L3MBTL4: variants seen among roughly 807,000 people sequenced by gnomAD.
The protein encoded by L3MBTL4 is L3MBTL histone methyl-lysine binding protein 4.
A neutral mutation model predicts 84.5 loss-of-function variants in L3MBTL4; 70 were observed. The ratio of observed to expected loss-of-function variants is 0.83; its 90% CI spans 0.68 to 1.01. The LOEUF is 1.01. L3MBTL4 is among the 50% of genes least tolerant of loss of function. The probability of loss-of-function intolerance (pLI) is 0.00; values close to 1 mark genes in which losing one functional copy is unlikely to be tolerated. For missense variants in L3MBTL4, 715 were observed against 754.8 expected, an observed-to-expected ratio of 0.95 and a Z score of 0.62; for synonymous variants, 274 against 259.8, an observed-to-expected ratio of 1.05 and a Z score of -0.52.
chr18:6,043,335 C>T (rs1295736573), intron 16 of L3MBTL4, among the ~76,000 whole-genome samples: 1 of 152,108 alleles, frequency 6.6e-6, no homozygotes, highest in African/African-American at 2.4e-5. Context: ...TTGAGACTTG[C>T]TTTCCTCAGA....
intron 16 of L3MBTL4, among the ~76,000 whole-genome samples, chr18:5,997,014 T>C (rs75345806): frequency 0.016 from 2,330 of 142,460 alleles, 236 homozygotes; most frequent in African/African-American, 0.069. Context: ...TCAGTATCCA[T>C]GTCATGGATT....
intron 16 of L3MBTL4, among the ~76,000 whole-genome samples, chr18:6,073,197 G>C (rs867745583): frequency 2.7e-5 from 4 of 146,950 alleles, no homozygotes; most frequent in Non-Finnish European, 4.5e-5. Context: ...GAGGGGGAGA[G>C]AAAACGCACA....
At chr18:6,158,638 T>TTCC (rs977641791) in intron 13 of L3MBTL4, among the ~76,000 whole-genome samples, 2 of 152,140 alleles carry the variant, frequency 1.3e-5, no homozygotes, top group African/African-American at 4.8e-5. Flanking sequence ...TATTTATAAA[T>TTCC]AGGAGGTCTT....
chr18:5,985,971 G>A (rs553583880), intron 16 of L3MBTL4, among the ~76,000 whole-genome samples: 193 of 152,296 alleles, frequency 1.3e-3, no homozygotes, highest in African/African-American at 4.4e-3. Context: ...CTGGGCAGGT[G>A]TGTCTAGGAC....
In L3MBTL4 at chr18:6,071,761, A is replaced by AAAAGAAAGAAAGAAAGAAAG. The variant is rs201841975; in HGVS notation, c.1444+9100_1444+9119dup. Among the ~76,000 whole-genome samples, 458 of 92,172 alleles carry AAAAGAAAGAAAGAAAGAAAG rather than the reference A, an allele frequency of 5.0e-3. 1 individual carries two copies. Among genetic ancestry groups the AAAAGAAAGAAAGAAAGAAAG allele is most frequent in the Non-Finnish European group, 7.5e-3 (348 of 46,496 alleles). The allele number at this position is 92,172 out of a possible 152,430, so 60.5% of individuals were successfully genotyped here. A position where few individuals can be genotyped will look rare whatever the true frequency, so the allele number is the denominator to read the frequency against. On this transcript the variant is annotated intron_variant, in intron 16 of 18. Transcript: ENST00000317931. ...AGAAGGAAGGAAAGAAAGAAAGAAAAAAAGAAAGAAAGAAAGAAAGAAAGA... is the reference window on the plus strand; with the variant it reads ...AGAAGGAAGGAAAGAAAGAAAGAAAAAAAGAAAGAAAGAAAGAAAGAAAGAAAGAAAGAAAGAAAGAAAGA...
At chr18:6,225,509 C>T (rs1456529385) in intron 10 of L3MBTL4, among the ~76,000 whole-genome samples, 1 of 152,168 alleles carries the variant, frequency 6.6e-6, no homozygotes, top group Non-Finnish European at 1.5e-5. Context: ...CCTATAATCC[C>T]AGCACTTTGG....
intron 12 of L3MBTL4, among the ~76,000 whole-genome samples, chr18:6,183,394 G>A (rs2044570671): frequency 6.6e-6 from 1 of 152,182 alleles, no homozygotes; most frequent in South Asian, 2.1e-4. Context: ...GACCACCGTG[G>A]CCGACGCTGC....
At chr18:6,102,342 G>A (rs1170793688) in intron 14 of L3MBTL4, among the ~76,000 whole-genome samples, 1 of 152,198 alleles carries the variant, frequency 6.6e-6, no homozygotes, top group Non-Finnish European at 1.5e-5. Flanking sequence ...TGCAGAACTT[G>A]TTCTCAGTCT....
At chr18:5,979,095 C>A (rs79403706) in intron 16 of L3MBTL4, among the ~76,000 whole-genome samples, 1 of 152,076 alleles carries the variant, frequency 6.6e-6, no homozygotes, top group African/African-American at 2.4e-5. Context: ...TGGGAAGGGG[C>A]AAAAGAGTGG....
chr18:6,178,097 T>C (rs748074402), intron 12 of L3MBTL4, among the ~76,000 whole-genome samples: 14 of 151,460 alleles, frequency 9.2e-5, no homozygotes, highest in Non-Finnish European at 1.9e-4. Context: ...ACTGAAGAAG[T>C]GAAAAAAAAA....
In L3MBTL4 at chr18:5,961,702, C is replaced by T. The variant is rs758899901; in HGVS notation, c.1615-1546G>A. The stretch of plus-strand genomic sequence containing the variant: ...CTGCTGGCCCGGGCTCTTAGTATTA[C>T]GAGCTAATTCACCTGAGAACCTGAC... On this transcript the variant is annotated intron_variant, in intron 17 of 18. Transcript: ENST00000317931. Among the ~76,000 whole-genome samples the T allele has an allele frequency of 7.9e-5, 12 of 152,160 alleles. 1 individual carries two copies. Among genetic ancestry groups the T allele is most frequent in the Admixed American group, 1.3e-4 (2 of 15,280 alleles).
chr18:6,409,331 T>C (rs1057159422), intron 1 of L3MBTL4, among the ~76,000 whole-genome samples: 5 of 152,180 alleles, frequency 3.3e-5, no homozygotes, highest in East Asian at 1.9e-4. Context: ...CTATTTTTTA[T>C]ATGTTGTCAC....
chr18:5,964,306 G>A (rs1164194050), intron 17 of L3MBTL4, among the ~76,000 whole-genome samples: 1 of 152,190 alleles, frequency 6.6e-6, no homozygotes, highest in Non-Finnish European at 1.5e-5. Flanking sequence ...CTTCCCCCAC[G>A]ACCTACTTTC....
intron 1 of L3MBTL4, among the ~76,000 whole-genome samples, chr18:6,380,609 C>G (rs368231271): frequency 2.6e-5 from 4 of 152,268 alleles, no homozygotes; most frequent in East Asian, 3.9e-4. Context: ...TGTTCAGTTT[C>G]CATGTAGTTG....
At chr18:6,022,330 C>A (rs1167630844) in intron 16 of L3MBTL4, among the ~76,000 whole-genome samples, 4 of 152,132 alleles carry the variant, frequency 2.6e-5, no homozygotes, top group Non-Finnish European at 5.9e-5. Flanking sequence ...CCGTTCTGCT[C>A]AAACCTTCAC....
intron 1 of L3MBTL4, among the ~76,000 whole-genome samples, chr18:6,393,395 G>A (rs1056690135): frequency 6.6e-6 from 1 of 152,160 alleles, no homozygotes; most frequent in Admixed American, 6.5e-5. Context: ...AGCATGAGTG[G>A]TGACACAGGG....
intron 16 of L3MBTL4, among the ~76,000 whole-genome samples, chr18:6,040,974 C>A (rs1399271739): frequency 1.3e-5 from 2 of 152,170 alleles, no homozygotes; most frequent in Non-Finnish European, 2.9e-5. Flanking sequence ...AAAACAAGAA[C>A]AACAGCAAAA....
intron 1 of L3MBTL4, among the ~76,000 whole-genome samples, chr18:6,399,109 C>T (rs1478995966): frequency 1.3e-5 from 2 of 152,114 alleles, no homozygotes; most frequent in Non-Finnish European, 2.9e-5. Flanking sequence ...CACATGAAAC[C>T]TCTTTATATT....
rs993769912 is a variant in L3MBTL4 at position 6,263,961 on chromosome 18, C to A, written c.205G>T (p.Glu69Ter). The A allele has an allele frequency of 1.2e-6, 2 of 1,613,468 alleles. No homozygotes were observed. The highest frequency in any genetic ancestry group is 2.7e-5 in the African/African-American group (2 of 74,928). The change falls in exon 5 of 19, where the codon GAG becomes TAG. Residue 69 changes from glutamate to a stop codon, truncating the protein, a stop_gained. Coordinates refer to ENST00000317931, the MANE Select transcript of L3MBTL4 (RefSeq NM_001330559.2). LOFTEE classifies it high-confidence loss of function. The part of the protein sequence containing the change: ...KEQKAVAAPV[E>*]LFSKDQSFPE... ...CAGTGGCTGACCTTGGAAAACAGCT[C>A]AACAGGTGCTGCGACAGCCTTCTGT...
Sources: allele counts gnomAD v4.1 joint callset (sites outside exome capture counted in the v4.1 genomes callset), GRCh38; gene constraint gnomAD v4.1.1; transcripts MANE v1.5; gene names NCBI Gene and HGNC (gene_info 2026-07-23, HGNC 2026-07-21).